Variants in FKTN observed in about 807,000 individuals in gnomAD.
The protein encoded by FKTN is ribitol-5-phosphate transferase FKTN.
Under a neutral mutation model 58.6 loss-of-function variants are expected in FKTN, and 47 were observed. That is an observed-to-expected ratio of 0.80 (90% CI 0.63 to 1.02). FKTN has a LOEUF of 1.02. Among genes scored for constraint, FKTN ranks in the 50% least tolerant of loss-of-function variants. FKTN has a pLI of 0.00. For synonymous variants in FKTN, 178 were observed against 191.9 expected, an observed-to-expected ratio of 0.93 and a Z score of 0.60; for missense variants, 516 against 537.3, an observed-to-expected ratio of 0.96 and a Z score of 0.39.
intron 3 of FKTN, among the ~76,000 whole-genome samples, chr9:105,576,060 A>G (rs897580348): frequency 6.6e-6 from 1 of 152,156 alleles, no homozygotes; most frequent in African/African-American, 2.4e-5. Context: ...CTTATAAGCC[A>G]TAAGACTGGG....
Position 105,592,960 on chromosome 9 carries a change from A to G in FKTN, c.106-3638A>G, listed in dbSNP as rs1172227479. ...TTCCCTTTGCCTATTACCCAGTTCC[A>G]AAGTTACTTCCACATTTTCAGACAC... On this transcript the variant is annotated intron_variant, in intron 3 of 10. Transcript: ENST00000357998. Among the ~76,000 whole-genome samples, 4 of 152,194 alleles carry G rather than the reference A, an allele frequency of 2.6e-5. No homozygotes were observed. In the East Asian group the frequency reaches 5.8e-4, roughly 22 times the overall value.
chr9:105,565,041 C>A (rs879089403), intron 1 of FKTN, among the ~76,000 whole-genome samples: 1 of 152,098 alleles, frequency 6.6e-6, no homozygotes, highest in Non-Finnish European at 1.5e-5. Context: ...TCATATCCAG[C>A]CAAACTAAGC....
chr9:105,564,405 G>C (rs991203359), intron 1 of FKTN, among the ~76,000 whole-genome samples: 2 of 152,070 alleles, frequency 1.3e-5, no homozygotes, highest in Non-Finnish European at 2.9e-5. Flanking sequence ...CTTGAAAAAA[G>C]ATTAGACGAA....
intron 8 of FKTN, among the ~76,000 whole-genome samples, chr9:105,616,586 T>C (rs1331502609): frequency 6.6e-6 from 1 of 152,160 alleles, no homozygotes; most frequent in Non-Finnish European, 1.5e-5. Context: ...AAATTTTGTT[T>C]TGTGTTTATT....
At chr9:105,565,789 G>C (rs541158620) in intron 1 of FKTN, among the ~76,000 whole-genome samples, 37 of 152,162 alleles carry the variant, frequency 2.4e-4, no homozygotes, top group African/African-American at 8.4e-4. Flanking sequence ...CAACTCTGCA[G>C]CAAGTGGACC....
intron 4 of FKTN, 97 bp downstream of exon 4, chr9:105,596,754 C>A: frequency 6.2e-6 from 6 of 960,166 alleles, no homozygotes; most frequent in Non-Finnish European, 1.0e-5. Context: ...ATAATAATAG[C>A]TACCTTGTGT....
At chr9:105,635,016 C>T (rs766904041) in intron 10 of FKTN, 35 bp from the exon 11 acceptor site, 136 of 1,577,706 alleles carry the variant, frequency 8.6e-5, no homozygotes, top group Non-Finnish European at 1.1e-4. Flanking sequence ...GACCTTCTTC[C>T]ACTGTTGAAG....
At chr9:105,579,120 C>T (rs1055072702) in intron 3 of FKTN, among the ~76,000 whole-genome samples, 1 of 152,068 alleles carries the variant, frequency 6.6e-6, no homozygotes, top group African/African-American at 2.4e-5. Flanking sequence ...AAACCAGCTC[C>T]TGGATTCATT....
At chr9:105,605,003 T>C (rs1387002546) in intron 6 of FKTN, among the ~76,000 whole-genome samples, 3 of 151,594 alleles carry the variant, frequency 2.0e-5, no homozygotes, top group Non-Finnish European at 4.4e-5. Flanking sequence ...TTGATATATG[T>C]GTTCATACAA....
In FKTN at chr9:105,604,352, T is replaced by A; in HGVS notation, c.507T>A (p.His169Gln). Residue 169 changes from histidine (H) to glutamine (Q), a missense_variant, in exon 6 of 11, where the codon CAT becomes CAA. By Grantham distance (24) the His-to-Gln change is conservative. Coordinates refer to ENST00000357998, the MANE Select transcript of FKTN (RefSeq NM_001079802.2). ...ACTATATCTGCAAACTGGCCACTCA[T>A]GCGATCCACTTGGTAGTCTTTCATG... ...PLHYICKLAT[H>Q]AIHLVVFHER... 1 of 1,614,182 alleles carries A rather than the reference T, an allele frequency of 6.2e-7. No homozygotes were observed. The highest frequency in any genetic ancestry group is 8.5e-7 in the Non-Finnish European group (1 of 1,180,034).
chr9:105,576,015 G>T (rs1244052951), intron 3 of FKTN, among the ~76,000 whole-genome samples: 1 of 152,056 alleles, frequency 6.6e-6, no homozygotes, highest in African/African-American at 2.4e-5. Context: ...TAGCTGCCCA[G>T]CTGACTCACA....
intron 3 of FKTN, among the ~76,000 whole-genome samples, chr9:105,579,261 G>T (rs1842388247): frequency 6.6e-6 from 1 of 152,088 alleles, no homozygotes; most frequent in Admixed American, 6.5e-5. Context: ...TGATGTTAGG[G>T]TGTCAATTTT....
At chr9:105,626,230 T>C (rs1009947177) in intron 10 of FKTN, among the ~76,000 whole-genome samples, 2 of 152,200 alleles carry the variant, frequency 1.3e-5, no homozygotes, top group Non-Finnish European at 2.9e-5. Flanking sequence ...TGGTACATGC[T>C]TATCTTAGTT....
chr9:105,587,058 G>A (rs192776891), intron 3 of FKTN, among the ~76,000 whole-genome samples: 2 of 152,304 alleles, frequency 1.3e-5, no homozygotes, highest in African/African-American at 2.4e-5. Flanking sequence ...AAGGAATGCC[G>A]TAGCACAACA....
chr9:105,583,493 G>C (rs571564248), intron 3 of FKTN, among the ~76,000 whole-genome samples: 19 of 152,186 alleles, frequency 1.2e-4, no homozygotes, highest in Admixed American at 1.2e-3. Flanking sequence ...CTTTCCATAT[G>C]TATATTGGTT....
chr9:105,570,897 G>A (rs1369769846), intron 1 of FKTN, among the ~76,000 whole-genome samples: 2 of 152,106 alleles, frequency 1.3e-5, no homozygotes, highest in African/African-American at 2.4e-5. Context: ...GCAGACAAGA[G>A]GTAATGGGCA....
Position 105,604,501 on chromosome 9 carries a change from A to G in FKTN, c.647+9A>G. 1.2e-6 allele frequency: 2 copies of G among 1,611,776 alleles called. No homozygotes were observed. Among genetic ancestry groups the G allele is most frequent in the South Asian group, 2.2e-5 (2 of 90,946 alleles). ...CCAGGAGCTTTTGACAGGTAAGTTC[A>G]GAGTCAAAACGTGAAATGTGAAATG... On this transcript the variant is annotated intron_variant, in intron 6 of 10. Coordinates refer to ENST00000357998, the MANE Select transcript of FKTN (RefSeq NM_001079802.2).
At chr9:105,581,518 G>T (rs1044264227) in intron 3 of FKTN, among the ~76,000 whole-genome samples, 31 of 151,300 alleles carry the variant, frequency 2.0e-4, no homozygotes, top group African/African-American at 7.1e-4. Flanking sequence ...GAGGCAGTCT[G>T]CCGGTTCTCA....
At chr9:105,563,376 A>G (rs1376242247) in intron 1 of FKTN, among the ~76,000 whole-genome samples, 2 of 148,518 alleles carry the variant, frequency 1.3e-5, no homozygotes, top group African/African-American at 4.9e-5. Flanking sequence ...GGGAAGTGCA[A>G]GGGGTCAGGG....
Sources: gnomAD v4.1 joint callset for allele counts (sites outside exome capture counted in the v4.1 genomes callset) on GRCh38, gnomAD v4.1.1 for gene constraint, MANE v1.5 for transcripts, NCBI Gene and HGNC (gene_info 2026-07-23, HGNC 2026-07-21) for gene names.